The following SKA2 variants were observed in gnomAD, a reference collection of about 807,000 sequenced individuals.
SKA2 encodes spindle and kinetochore-associated protein 2.
In SKA2, 13 loss-of-function variants were observed where a neutral mutation model predicts 16.9. The ratio of observed to expected loss-of-function variants is 0.77; its 90% confidence interval spans 0.50 to 1.22. The LOEUF (loss-of-function observed/expected upper bound fraction) is 1.22, where lower values mean the gene tolerates loss of function less well. SKA2 is among the 50% of genes most tolerant of loss of function. SKA2 has a pLI of 0.00. For synonymous variants in SKA2, 47 were observed against 48.5 expected (o/e 0.97, Z 0.13); for missense variants, 107 against 139.7 (o/e 0.77, Z 1.18).
At chr17:59,118,525 A>G (rs1032269196) in intron 3 of SKA2, among the ~76,000 whole-genome samples, 3 of 152,264 alleles carry the variant, frequency 2.0e-5, no homozygotes, top group South Asian at 2.1e-4. Context: ...TATGTGCTCT[A>G]TTGTCAGGCA....
chr17:59,137,641 C>G (rs2046455683), intron 1 of SKA2: 1 of 382,312 alleles, frequency 2.6e-6, no homozygotes, highest in Admixed American at 4.7e-5. Flanking sequence ...TTACCTTCTT[C>G]TAATAAATTA....
intron 2 of SKA2, among the ~76,000 whole-genome samples, chr17:59,125,390 T>G (rs1349886575): frequency 6.6e-6 from 1 of 151,860 alleles, no homozygotes; most frequent in Non-Finnish European, 1.5e-5. Context: ...GTTTTAGTTA[T>G]CATGAGTGGA....
chr17:59,121,906 A>C (rs1480863380), intron 2 of SKA2, among the ~76,000 whole-genome samples: 1 of 150,320 alleles, frequency 6.7e-6, no homozygotes, highest in Non-Finnish European at 1.5e-5. Flanking sequence ...TGGGAGGCAG[A>C]GGTTGTAGTG....
intron 3 of SKA2, among the ~76,000 whole-genome samples, 158 bp from the exon 4 acceptor site, chr17:59,112,503 G>A (rs183355778): frequency 2.0e-5 from 3 of 152,258 alleles, no homozygotes; most frequent in Admixed American, 2.0e-4. Flanking sequence ...CAGATACTTG[G>A]CTATTTATAT....
chr17:59,140,739 T>C (rs2046481767), intron 1 of SKA2, among the ~76,000 whole-genome samples: 1 of 150,982 alleles, frequency 6.6e-6, no homozygotes, highest in African/African-American at 2.4e-5. Context: ...GCCTCCCTAG[T>C]AGCTGGGACT....
intron 1 of SKA2, among the ~76,000 whole-genome samples, chr17:59,134,391 T>C (rs750386539): frequency 6.6e-5 from 10 of 152,188 alleles, no homozygotes; most frequent in Non-Finnish European, 1.0e-4. Context: ...TAATTTACCA[T>C]AAATTATGGA....
At chr17:59,138,696 T>G (rs1218988258) in intron 1 of SKA2, among the ~76,000 whole-genome samples, 1 of 152,070 alleles carries the variant, frequency 6.6e-6, no homozygotes, top group Non-Finnish European at 1.5e-5. Flanking sequence ...CCTCCTGAAG[T>G]GCTGGGATTA....
intron 1 of SKA2, among the ~76,000 whole-genome samples, chr17:59,140,703 C>T (rs1047805076): frequency 5.9e-4 from 88 of 148,358 alleles, no homozygotes; most frequent in African/African-American, 2.0e-3. Context: ...CTCTGCCTCC[C>T]GGGTTCACGC....
chr17:59,112,348 AG>A lies in SKA2; in HGVS notation c.298-4del, dbSNP rs1173843732. The stretch of plus-strand genomic sequence containing the variant: ...TCTTCTTTAGTCAGTGGTGACAGCT[AG>A]AAAATAAATGATAAAATCTTTATTT... On this transcript the variant is annotated splice_region_variant and splice_polypyrimidine_tract_variant and intron_variant, in intron 3 of 3. Transcript: ENST00000330137. 1.9e-6 allele frequency: 3 copies of A among 1,602,810 alleles called. No homozygotes were observed. Among genetic ancestry groups the A allele is most frequent in the Non-Finnish European group, 2.6e-6 (3 of 1,176,382 alleles).
intron 1 of SKA2, among the ~76,000 whole-genome samples, chr17:59,150,831 C>T (rs1753720686): frequency 6.6e-6 from 1 of 152,192 alleles, no homozygotes; most frequent in Admixed American, 6.5e-5. Flanking sequence ...TCATAAAACT[C>T]AAATAAAACC....
At chr17:59,154,584 C>A (rs1242927951) in intron 1 of SKA2, among the ~76,000 whole-genome samples, 3 of 152,248 alleles carry the variant, frequency 2.0e-5, no homozygotes, top group African/African-American at 7.2e-5. Flanking sequence ...CCGGATCAAA[C>A]AGAAACGGGT....
intron 1 of SKA2, among the ~76,000 whole-genome samples, chr17:59,133,422 C>T (rs544176752): frequency 1.3e-5 from 2 of 152,276 alleles, no homozygotes; most frequent in Non-Finnish European, 2.9e-5. Flanking sequence ...ATGATTTCCA[C>T]AGGCATGGTC....
At chr17:59,141,489 G>A (rs2046489051) in intron 1 of SKA2, among the ~76,000 whole-genome samples, 1 of 152,056 alleles carries the variant, frequency 6.6e-6, no homozygotes, top group Non-Finnish European at 1.5e-5. Context: ...ACTTGGGGAG[G>A]CCGAGGCAGG....
chr17:59,150,542 A>G (rs1056570346), intron 1 of SKA2, among the ~76,000 whole-genome samples: 1 of 152,050 alleles, frequency 6.6e-6, no homozygotes, highest in African/African-American at 2.4e-5. Flanking sequence ...TTCAAGACCA[A>G]CCTCGGCAAC....
intron 1 of SKA2, among the ~76,000 whole-genome samples, chr17:59,141,049 T>C (rs1483729666): frequency 1.3e-5 from 2 of 151,838 alleles, no homozygotes; most frequent in Non-Finnish European, 2.9e-5. Flanking sequence ...CTCCCGCCTC[T>C]GCCTCCCAAA....
At chr17:59,136,561 T>G (rs547470201) in intron 1 of SKA2, among the ~76,000 whole-genome samples, 6 of 152,070 alleles carry the variant, frequency 3.9e-5, no homozygotes, top group East Asian at 1.9e-4. Flanking sequence ...CTTTTTTTTT[T>G]TTGTTTGAGA....
intron 1 of SKA2, among the ~76,000 whole-genome samples, chr17:59,148,308 G>C (rs994957896): frequency 5.3e-5 from 8 of 152,106 alleles, no homozygotes; most frequent in African/African-American, 1.9e-4. Context: ...CGGCACAGTG[G>C]TTCACTCCTG....
intron 1 of SKA2, among the ~76,000 whole-genome samples, chr17:59,141,359 T>C (rs1024853002): frequency 2.6e-5 from 4 of 152,010 alleles, no homozygotes; most frequent in African/African-American, 9.7e-5. Context: ...ATCGCACCAC[T>C]GCATTGCAGC....
chr17:59,122,121 G>T (rs2147798430), intron 2 of SKA2, among the ~76,000 whole-genome samples: 1 of 152,304 alleles, frequency 6.6e-6, no homozygotes, highest in East Asian at 1.9e-4. Context: ...TGACAATATT[G>T]AGAAGAGTTT....
Sources: allele counts gnomAD v4.1 joint callset (sites outside exome capture counted in the v4.1 genomes callset), GRCh38; gene constraint gnomAD v4.1.1; transcripts MANE v1.5; gene names NCBI Gene and HGNC (gene_info 2026-07-23, HGNC 2026-07-21).